PXDNL: variants seen among roughly 807,000 people sequenced by gnomAD.
PXDNL encodes the protein peroxidasin like, also known as probable oxidoreductase PXDNL.
Under a neutral mutation model 150.8 loss-of-function variants are expected in PXDNL, and 145 were observed. That is an observed-to-expected ratio of 0.96 (90% CI 0.84 to 1.10). The LOEUF (loss-of-function observed/expected upper bound fraction) is 1.10, where lower values mean the gene tolerates loss of function less well. Ranked by LOEUF, PXDNL falls within the 50% of genes least tolerant of loss-of-function variation. The probability of loss-of-function intolerance (pLI) is 0.00; values close to 1 mark genes in which losing one functional copy is unlikely to be tolerated. For missense variants in PXDNL, 2,087 were observed against 1,873.9 expected, an observed-to-expected ratio of 1.11 and a Z score of -2.10; for synonymous variants, 757 against 725.7, an observed-to-expected ratio of 1.04 and a Z score of -0.69.
chr8:51,416,197 T>A (rs1230115107), intron 14 of PXDNL, among the ~76,000 whole-genome samples: 1 of 152,240 alleles, frequency 6.6e-6, no homozygotes, highest in East Asian at 1.9e-4. Context: ...AAATATGTTA[T>A]CAAAGGTCTA....
At position 51,409,221 on chromosome 8, in the gene PXDNL, G is replaced by A. The variant is rs1353640733; in HGVS notation, c.2403C>T (p.Arg801=). The change falls in exon 17 of 23, where the codon CGC becomes CGT. Residue 801 remains arginine (R), a synonymous_variant. Coordinates refer to ENST00000356297, the MANE Select transcript of PXDNL (RefSeq NM_144651.5). ...AAVTPDHSYT[R]MLMHWGWFLE... ...GAAACCAGCCCCAGTGCATGAGCAT[G>A]CGCGTGTAGCTGTGGTCGGGGGTGA... 1.3e-6 allele frequency: 2 copies of A among 1,564,258 alleles called. No individual in the cohort carries two copies. Among genetic ancestry groups the A allele is most frequent in the Non-Finnish European group, 1.7e-6 (2 of 1,160,292 alleles).
intron 17 of PXDNL, among the ~76,000 whole-genome samples, chr8:51,400,861 G>A (rs1808226974): frequency 6.6e-6 from 1 of 152,170 alleles, no homozygotes; most frequent in Non-Finnish European, 1.5e-5. Context: ...AAATAAATTG[G>A]TAGGAATAAG....
intron 1 of PXDNL, among the ~76,000 whole-genome samples, chr8:51,710,451 G>A (rs969420559): frequency 3.3e-5 from 5 of 152,032 alleles, no homozygotes; most frequent in Non-Finnish European, 7.4e-5. Flanking sequence ...TGGGGGGTGA[G>A]GACATTTAAA....
At chr8:51,638,187 G>A (rs1299057469) in intron 2 of PXDNL, among the ~76,000 whole-genome samples, 2 of 152,124 alleles carry the variant, frequency 1.3e-5, no homozygotes, top group Non-Finnish European at 2.9e-5. Flanking sequence ...CCCTAAAAGA[G>A]CTCCTGAAGG....
intron 19 of PXDNL, among the ~76,000 whole-genome samples, chr8:51,356,136 T>C (rs1471420110): frequency 1.3e-5 from 2 of 152,210 alleles, no homozygotes; most frequent in African/African-American, 4.8e-5. Context: ...AGATGAAGTG[T>C]TGGTTTTTTT....
chr8:51,747,204 C>T (rs925458836), intron 1 of PXDNL, among the ~76,000 whole-genome samples: 12 of 152,228 alleles, frequency 7.9e-5, no homozygotes, highest in African/African-American at 2.4e-4. Context: ...AACCTTCCTT[C>T]CTGGTGCCCA....
chr8:51,574,268 A>C (rs1353501692), intron 3 of PXDNL, among the ~76,000 whole-genome samples: 1 of 151,986 alleles, frequency 6.6e-6, no homozygotes, highest in Non-Finnish European at 1.5e-5. Flanking sequence ...TTATCTACTG[A>C]AGTAAAAAAA....
intron 13 of PXDNL, among the ~76,000 whole-genome samples, chr8:51,425,804 A>G (rs1368087549): frequency 1.3e-5 from 2 of 152,070 alleles, no homozygotes; most frequent in South Asian, 2.1e-4. Context: ...CCTGGGCGAC[A>G]AAGCGAGACT....
chr8:51,470,434 C>A (rs1007395663), intron 8 of PXDNL, among the ~76,000 whole-genome samples: 5 of 151,830 alleles, frequency 3.3e-5, no homozygotes, highest in African/African-American at 1.2e-4. Context: ...CAAAAAAAAT[C>A]AGAGTTGATT....
chr8:51,727,917 T>A (rs1207354374), intron 1 of PXDNL, among the ~76,000 whole-genome samples: 1 of 152,246 alleles, frequency 6.6e-6, no homozygotes, highest in East Asian at 1.9e-4. Flanking sequence ...TTCTGTTAAA[T>A]TTATTTTCTC....
At chr8:51,578,102 A>G (rs569627812) in intron 3 of PXDNL, among the ~76,000 whole-genome samples, 1,374 of 136,170 alleles carry the variant, frequency 0.01, 137 homozygotes, top group African/African-American at 0.041. Context: ...GAAAGAAAGA[A>G]AAAGAAAGAA....
At chr8:51,406,467 T>G (rs1027806704) in intron 17 of PXDNL, among the ~76,000 whole-genome samples, 1 of 152,186 alleles carries the variant, frequency 6.6e-6, no homozygotes, top group Non-Finnish European at 1.5e-5. Flanking sequence ...ACTCTCTTGC[T>G]TTAGAGTTAA....
chr8:51,404,755 C>T (rs1025022696), intron 17 of PXDNL, among the ~76,000 whole-genome samples: 5 of 152,244 alleles, frequency 3.3e-5, no homozygotes, highest in African/African-American at 9.6e-5. Flanking sequence ...GCCCAGCTGG[C>T]TTCACCCAGT....
chr8:51,413,231 T>C lies in PXDNL; in HGVS notation c.1823A>G (p.Asp608Gly). ...ATCAAGAATGGAAGATTCAACAAAG[T>C]CATCGCCAGCTTGTCTACCCTGTAT... ...TAIQGRQAGD[D>G]FVESSILDAV... is the part of the protein sequence containing the mutation. Residue 608 changes from aspartate to glycine, a missense_variant, in exon 15 of 23, where the codon GAC (aspartate) becomes GGC (glycine). Asp to Gly is a moderately conservative substitution (Grantham distance 94). Transcript: ENST00000356297. The C allele has an allele frequency of 6.2e-7, 1 of 1,611,908 alleles. No individual in the cohort carries two copies. The highest frequency in any genetic ancestry group is 1.7e-4 in the Middle Eastern group (1 of 6,054).
chr8:51,476,130 G>A (rs777598060), intron 6 of PXDNL, among the ~76,000 whole-genome samples: 1 of 152,164 alleles, frequency 6.6e-6, no homozygotes, highest in Non-Finnish European at 1.5e-5. Flanking sequence ...AAAGCTGTAA[G>A]CACTGAAGTG....
intron 1 of PXDNL, among the ~76,000 whole-genome samples, chr8:51,801,931 C>T (rs1447050471): frequency 6.6e-6 from 1 of 152,102 alleles, no homozygotes; most frequent in East Asian, 1.9e-4. Flanking sequence ...GCAGGTGCCT[C>T]TTTTACTTAT....
At chr8:51,748,706 C>T (rs1027804354) in intron 1 of PXDNL, among the ~76,000 whole-genome samples, 3 of 152,172 alleles carry the variant, frequency 2.0e-5, no homozygotes, top group Admixed American at 1.3e-4. Context: ...AGGTCACGAG[C>T]CCCTGGGCCC....
chr8:51,385,983 C>A (rs1807696845), intron 17 of PXDNL, among the ~76,000 whole-genome samples: 1 of 152,010 alleles, frequency 6.6e-6, no homozygotes, highest in African/African-American at 2.4e-5. Context: ...TATCAAGCAG[C>A]ATGAAAATGG....
chr8:51,584,640 G>T (rs547388697), intron 3 of PXDNL, among the ~76,000 whole-genome samples: 6 of 152,284 alleles, frequency 3.9e-5, no homozygotes, highest in Non-Finnish European at 7.4e-5. Context: ...TGCCAAGAGA[G>T]TATGTGAAGG....
Sources: gnomAD v4.1 joint callset for allele counts (sites outside exome capture counted in the v4.1 genomes callset) on GRCh38, gnomAD v4.1.1 for gene constraint, MANE v1.5 for transcripts, NCBI Gene and HGNC (gene_info 2026-07-23, HGNC 2026-07-21) for gene names.